PTPRT: variants seen among roughly 807,000 people sequenced by gnomAD.
PTPRT encodes the protein protein tyrosine phosphatase receptor type T, also known as receptor-type tyrosine-protein phosphatase T.
PTPRT carries 56 observed loss-of-function variants against 176.8 expected under a neutral mutation model. The observed-to-expected ratio is 0.32, with a 90% CI of 0.26 to 0.40. The LOEUF (loss-of-function observed/expected upper bound fraction) is 0.40. Among genes scored for constraint, PTPRT ranks in the 10% least tolerant of loss-of-function variants. The probability of loss-of-function intolerance (pLI) is 1.00; values close to 1 mark genes in which losing one functional copy is unlikely to be tolerated. For synonymous variants in PTPRT, 783 were observed against 739.0 expected (o/e 1.06, Z -0.96); for missense variants, 1,540 against 1,908.2 (o/e 0.81, Z 3.60).
intron 12 of PTPRT, among the ~76,000 whole-genome samples, chr20:42,296,334 T>C (rs1039932255): frequency 2.6e-5 from 4 of 151,608 alleles, no homozygotes; most frequent in Admixed American, 6.6e-5. Flanking sequence ...TAATCCCAGC[T>C]ACTCAGGAAG....
At chr20:42,919,921 C>T (rs905826708) in intron 1 of PTPRT, among the ~76,000 whole-genome samples, 1 of 152,190 alleles carries the variant, frequency 6.6e-6, no homozygotes, top group Non-Finnish European at 1.5e-5. Context: ...TTGGACAATA[C>T]GCACTTCCCA....
intron 6 of PTPRT, among the ~76,000 whole-genome samples, chr20:42,753,427 T>C (rs1010320619): frequency 2.6e-5 from 4 of 152,156 alleles, no homozygotes; most frequent in African/African-American, 7.2e-5. Context: ...GGAGGAAAAA[T>C]GGGCACTAAA....
chr20:42,384,848 T>C (rs867583060), intron 9 of PTPRT, among the ~76,000 whole-genome samples: 6 of 152,354 alleles, frequency 3.9e-5, no homozygotes, highest in South Asian at 2.1e-4. Flanking sequence ...TAGTGATGTT[T>C]AGAATCTTTT....
At chr20:42,921,585 T>C (rs1979147511) in intron 1 of PTPRT, among the ~76,000 whole-genome samples, 1 of 152,180 alleles carries the variant, frequency 6.6e-6, no homozygotes, top group Admixed American at 6.5e-5. Flanking sequence ...TCCCTGTCTC[T>C]AAAATAAAAA....
chr20:42,811,836 G>T (rs537537699), intron 2 of PTPRT, among the ~76,000 whole-genome samples: 1 of 152,062 alleles, frequency 6.6e-6, no homozygotes, highest in Non-Finnish European at 1.5e-5. Flanking sequence ...CTGCATTCAT[G>T]AATCTTTTAT....
intron 7 of PTPRT, among the ~76,000 whole-genome samples, chr20:42,602,536 T>C (rs1044226765): frequency 6.6e-6 from 1 of 152,116 alleles, no homozygotes; most frequent in Non-Finnish European, 1.5e-5. Context: ...GCTGTCAATA[T>C]CTCTATGTTT....
At chr20:42,195,831 T>C (rs977552831) in intron 16 of PTPRT, among the ~76,000 whole-genome samples, 3 of 152,180 alleles carry the variant, frequency 2.0e-5, no homozygotes, top group South Asian at 2.1e-4. Flanking sequence ...CACACATACA[T>C]ACACACCTTA....
chr20:42,313,141 C>T (rs1022894248), intron 12 of PTPRT, among the ~76,000 whole-genome samples: 1 of 152,134 alleles, frequency 6.6e-6, no homozygotes, highest in Non-Finnish European at 1.5e-5. Context: ...GCTACACTCC[C>T]ACCATCATCA....
intron 22 of PTPRT, among the ~76,000 whole-genome samples, chr20:42,113,748 C>T (rs73271497): frequency 1.1e-3 from 174 of 152,306 alleles, no homozygotes; most frequent in African/African-American, 4.0e-3. Context: ...CCCTGATATA[C>T]CTCATGTTTC....
At position 42,104,517 on chromosome 20, in the gene PTPRT, A is replaced by G. The variant is rs572221875; in HGVS notation, c.3540+52T>C. ...ACCACCCAATCTATGGAAATTTGTTATAACAACCCAAACTGACTAAGATGG... is the reference window on the plus strand; with the variant it reads ...ACCACCCAATCTATGGAAATTTGTTGTAACAACCCAAACTGACTAAGATGG... On this transcript the variant is annotated intron_variant, in intron 25 of 30. Transcript: ENST00000373187. 3.6e-5 allele frequency: 55 copies of G among 1,526,656 alleles called. No homozygotes were observed. The Middle Eastern group carries it at 1.0e-3, about 29-fold the overall frequency. 94.6% of individuals were successfully genotyped at this position (1,526,656 alleles called of 1,614,324 possible). A position where few individuals can be genotyped will look rare whatever the true frequency, so the allele number is the denominator to read the frequency against.
intron 19 of PTPRT, among the ~76,000 whole-genome samples, chr20:42,126,218 C>T (rs1987852380): frequency 6.6e-6 from 1 of 152,128 alleles, no homozygotes; most frequent in African/African-American, 2.4e-5. Flanking sequence ...TTTTGATAAG[C>T]TGACTTACTT....
chr20:42,936,149 A>C (rs1347806596), intron 1 of PTPRT, among the ~76,000 whole-genome samples: 1 of 152,192 alleles, frequency 6.6e-6, no homozygotes, highest in African/African-American at 2.4e-5. Context: ...TGGGATAACT[A>C]GTGTGTTGGA....
At chr20:43,039,537 A>G (rs1304509823) in intron 1 of PTPRT, among the ~76,000 whole-genome samples, 2 of 152,062 alleles carry the variant, frequency 1.3e-5, no homozygotes, top group Non-Finnish European at 2.9e-5. Context: ...GGCCTTTCTG[A>G]TGATGCCATG....
At chr20:42,316,056 A>T in intron 11 of PTPRT, 60 bp from the exon 12 acceptor site, 2 of 1,575,294 alleles carry the variant, frequency 1.3e-6, no homozygotes, top group Non-Finnish European at 1.7e-6. Flanking sequence ...TGAGCTTGTT[A>T]GCTCTAATGG....
chr20:43,000,156 C>T (rs1984481694), intron 1 of PTPRT, among the ~76,000 whole-genome samples: 1 of 151,950 alleles, frequency 6.6e-6, no homozygotes, highest in African/African-American at 2.4e-5. Flanking sequence ...CCAACCCTTT[C>T]TTCTTTTCCC....
intron 9 of PTPRT, among the ~76,000 whole-genome samples, chr20:42,440,654 C>T (rs566253354): frequency 1.7e-3 from 256 of 151,758 alleles, no homozygotes; most frequent in Non-Finnish European, 3.2e-3. Flanking sequence ...ATTTTTTGTA[C>T]TTTTAGTAGA....
intron 7 of PTPRT, among the ~76,000 whole-genome samples, chr20:42,668,765 C>T (rs2075361992): frequency 6.6e-6 from 1 of 151,318 alleles, no homozygotes; most frequent in South Asian, 2.1e-4. Context: ...AATCTCGGCT[C>T]ACTGCAAGCT....
At chr20:43,168,446 G>C (rs897147766) in intron 1 of PTPRT, among the ~76,000 whole-genome samples, 4 of 152,140 alleles carry the variant, frequency 2.6e-5, no homozygotes, top group Admixed American at 1.3e-4. Flanking sequence ...CATGAGGAAG[G>C]GGGTATCCTC....
intron 12 of PTPRT, among the ~76,000 whole-genome samples, chr20:42,307,397 G>A (rs1279456275): frequency 2.0e-5 from 3 of 152,130 alleles, no homozygotes; most frequent in Non-Finnish European, 4.4e-5. Flanking sequence ...GTGATCCAGT[G>A]AGATTTTGTT....
Sources: allele counts gnomAD v4.1 joint callset (sites outside exome capture counted in the v4.1 genomes callset), GRCh38; gene constraint gnomAD v4.1.1; transcripts MANE v1.5; gene names NCBI Gene and HGNC (gene_info 2026-07-23, HGNC 2026-07-21).